The following CYRIB variants were observed in gnomAD, a reference collection of about 807,000 sequenced individuals.
CYRIB encodes CYFIP-related Rac1 interactor B.
A neutral mutation model predicts 44.2 loss-of-function variants in CYRIB; 8 were observed. That is an observed-to-expected ratio of 0.18 (90% CI 0.11 to 0.33). The LOEUF is 0.33. Among genes scored for constraint, CYRIB ranks in the 10% least tolerant of loss-of-function variants. The probability of loss-of-function intolerance (pLI) is 1.00; values close to 1 mark genes in which losing one functional copy is unlikely to be tolerated. For missense variants in CYRIB, 185 were observed against 382.8 expected, an observed-to-expected ratio of 0.48 and a Z score of 4.31; for synonymous variants, 131 against 127.2, an observed-to-expected ratio of 1.03 and a Z score of -0.20.
intron 1 of CYRIB, among the ~76,000 whole-genome samples, chr8:129,971,273 A>C (rs2095680044): frequency 6.6e-6 from 1 of 152,060 alleles, no homozygotes; most frequent in Admixed American, 6.6e-5. Flanking sequence ...TTTTATTTTT[A>C]GTAGAGACAG....
At chr8:129,935,266 T>C (rs575411175) in intron 1 of CYRIB, among the ~76,000 whole-genome samples, 5 of 152,212 alleles carry the variant, frequency 3.3e-5, no homozygotes, top group East Asian at 1.9e-4. Flanking sequence ...CAATGTATGA[T>C]TGGAAGGAAT....
At chr8:129,999,130 G>GA (rs2096849782) in intron 1 of CYRIB, among the ~76,000 whole-genome samples, 1 of 152,006 alleles carries the variant, frequency 6.6e-6, no homozygotes, top group South Asian at 2.1e-4. Context: ...GAATAACGTG[G>GA]GGGGGGTGGG....
chr8:129,942,406 C>T (rs1255839823), upstream of CYRIB, among the ~76,000 whole-genome samples: 2 of 152,192 alleles, frequency 1.3e-5, no homozygotes, highest in African/African-American at 2.4e-5. Flanking sequence ...TCACATGCAC[C>T]TTTCTCCTTA....
intron 1 of CYRIB, among the ~76,000 whole-genome samples, chr8:129,989,234 G>A (rs1399733792): frequency 3.3e-5 from 5 of 152,202 alleles, no homozygotes; most frequent in Non-Finnish European, 1.5e-5. Context: ...TTTACCAGCA[G>A]GACGACTGGA....
At chr8:129,908,350 AT>A (rs568512311) in intron 1 of CYRIB, among the ~76,000 whole-genome samples, 2 of 152,202 alleles carry the variant, frequency 1.3e-5, no homozygotes, top group Non-Finnish European at 2.9e-5. Context: ...TATGAAAAAA[AT>A]GTATACTCCC....
chr8:129,848,130 T>C (rs1029926290), intron 10 of CYRIB, among the ~76,000 whole-genome samples: 1 of 152,182 alleles, frequency 6.6e-6, no homozygotes, highest in Non-Finnish European at 1.5e-5. Flanking sequence ...TTACTTGATC[T>C]GCTAAACTTT....
chr8:129,958,734 C>T (rs943450478), intron 2 of CYRIB, among the ~76,000 whole-genome samples: 1 of 148,428 alleles, frequency 6.7e-6, no homozygotes, highest in African/African-American at 2.5e-5. Flanking sequence ...AACCTGGAAG[C>T]AGAGTTTTCC....
chr8:129,916,147 T>G (rs1401173791), intron 1 of CYRIB, among the ~76,000 whole-genome samples: 1 of 152,204 alleles, frequency 6.6e-6, no homozygotes, highest in Admixed American at 6.5e-5. Context: ...TCTACTTTCT[T>G]CTGAAATGAA....
rs1386043744 is a variant in CYRIB at position 130,007,844 on chromosome 8, T to G, written c.-296+8526A>C. Among the ~76,000 whole-genome samples the G allele has an allele frequency of 2.0e-5, 3 of 151,850 alleles. No homozygotes were observed. In the East Asian group the frequency reaches 5.8e-4, roughly 29 times the overall value. On this transcript the variant is annotated intron_variant, in intron 1 of 14. Transcript: ENST00000401979. ...TGCTCCATGCTCCATAAAAGAAAGT[T>G]AATATTGCCATAAAGGAGACCAAAA... is the stretch of plus-strand genomic sequence containing the variant.
At chr8:129,962,768 C>T (rs1355843185) in intron 2 of CYRIB, among the ~76,000 whole-genome samples, 1 of 152,220 alleles carries the variant, frequency 6.6e-6, no homozygotes, top group Non-Finnish European at 1.5e-5. Context: ...CTCCTGTTTG[C>T]TCATTCATCT....
chr8:130,007,602 T>C (rs1346526165), intron 1 of CYRIB, among the ~76,000 whole-genome samples: 1 of 151,722 alleles, frequency 6.6e-6, no homozygotes, highest in East Asian at 1.9e-4. Flanking sequence ...CTGCCCAACA[T>C]GGTGAAACCC....
chr8:129,847,577 G>A (rs1376079822), intron 10 of CYRIB, among the ~76,000 whole-genome samples: 1 of 152,176 alleles, frequency 6.6e-6, no homozygotes, highest in South Asian at 2.1e-4. Flanking sequence ...AGGACAGATA[G>A]GAATTTTTCA....
chr8:129,899,623 T>C (rs2070384204), intron 2 of CYRIB, among the ~76,000 whole-genome samples: 1 of 152,226 alleles, frequency 6.6e-6, no homozygotes. Flanking sequence ...AAAGAAAAGA[T>C]GTTTATTTCA....
chr8:129,967,762 T>C (rs180930077), intron 2 of CYRIB, among the ~76,000 whole-genome samples: 50 of 152,338 alleles, frequency 3.3e-4, no homozygotes, highest in African/African-American at 1.1e-3. Context: ...CCACCCTCCT[T>C]TGAATATTTT....
At chr8:129,885,882 C>T (rs1305169140) in intron 2 of CYRIB, among the ~76,000 whole-genome samples, 1 of 152,112 alleles carries the variant, frequency 6.6e-6, no homozygotes, top group Non-Finnish European at 1.5e-5. Context: ...ACCCAACAAC[C>T]CATCCTCCAT....
rs10096758 is a variant in CYRIB at position 129,962,053 on chromosome 8, C to T, written c.-243+8890G>A. 6.1e-3 allele frequency among the ~76,000 whole-genome samples: 921 copies of T among 152,136 alleles called. 10 individuals carry two copies. Among genetic ancestry groups the T allele is most frequent in the African/African-American group, 0.021 (888 of 41,512 alleles). The stretch of plus-strand genomic sequence containing the variant: ...TGGCTTGAGCCCAAGAGTTCAAGAC[C>T]AGCCTGAGCAACATGGGAGACCCCT... On this transcript the variant is annotated intron_variant, in intron 2 of 14. Coordinates refer to the CYRIB transcript ENST00000401979.
Position 129,921,785 on chromosome 8 carries a change from C to G in CYRIB, c.-50+17823G>C, listed in dbSNP as rs141307497. Among the ~76,000 whole-genome samples, 566 of 152,156 alleles carry G rather than the reference C, an allele frequency of 3.7e-3. 5 individuals carry two copies. The highest frequency in any genetic ancestry group is 0.013 in the African/African-American group (543 of 41,488). ...TGATTCTATTTATCAAGAAACAAAG[C>G]AGACAAATCTTGATTATGAAATATT... is the stretch of plus-strand genomic sequence containing the variant. On this transcript the variant is annotated intron_variant, in intron 1 of 11. Coordinates refer to ENST00000519824, the Ensembl canonical transcript of CYRIB.
intron 1 of CYRIB, among the ~76,000 whole-genome samples, chr8:129,988,920 T>C (rs984508022): frequency 1.3e-5 from 2 of 151,544 alleles, no homozygotes; most frequent in Non-Finnish European, 2.9e-5. Flanking sequence ...GTTGGGAGAG[T>C]TCATTTCAAA....
intron 1 of CYRIB, among the ~76,000 whole-genome samples, chr8:129,987,835 G>T (rs575575642): frequency 1.3e-5 from 2 of 152,130 alleles, no homozygotes; most frequent in Non-Finnish European, 2.9e-5. Context: ...GCTTCCCAAA[G>T]TGCTGGGATT....
Sources: allele counts gnomAD v4.1 joint callset (sites outside exome capture counted in the v4.1 genomes callset), GRCh38; gene constraint gnomAD v4.1.1; transcripts MANE v1.5; gene names NCBI Gene and HGNC (gene_info 2026-07-23, HGNC 2026-07-21).